Variants in CLEC6A observed in about 807,000 individuals in gnomAD.
CLEC6A encodes the protein C-type lectin domain family 6 member A.
Under a neutral mutation model 25.7 loss-of-function variants are expected in CLEC6A, and 22 were observed. The observed-to-expected ratio is 0.85, with a 90% CI of 0.61 to 1.22. The LOEUF is 1.22. Among genes scored for constraint, CLEC6A ranks in the 50% most tolerant of loss-of-function variants. CLEC6A has a pLI of 0.00. For synonymous variants in CLEC6A, 92 were observed against 76.7 expected (o/e 1.20, Z -1.04); for missense variants, 240 against 236.8 (o/e 1.01, Z -0.09).
At position 8,477,373 on chromosome 12, in the gene CLEC6A, T is replaced by C. The variant is rs1939989547; in HGVS notation, c.539T>C (p.Val180Ala). 1.2e-6 allele frequency: 2 copies of C among 1,612,484 alleles called. No individual in the cohort carries two copies. Among genetic ancestry groups the C allele is most frequent in the East Asian group, 2.2e-5 (1 of 44,850 alleles). The change falls in exon 6 of 6, where the codon GTC becomes GCC. Residue 180 changes from valine to alanine, a missense_variant. Val to Ala is a moderately conservative substitution (Grantham distance 64). Transcript: ENST00000382073. ...TCTGCAGAGCAATGTGCTTCAATAG[T>C]CTTCTGGAAACCTACAGGATGGGGC... The part of the protein sequence containing the change: ...NHSAEQCASI[V>A]FWKPTGWGWN...
At chr12:8,469,132 A>G (rs533783672) in intron 4 of CLEC6A, among the ~76,000 whole-genome samples, 64 of 152,286 alleles carry the variant, frequency 4.2e-4, no homozygotes, top group South Asian at 2.1e-3. Context: ...TAGCTCTGCT[A>G]TATACTATCA....
chr12:8,462,778 G>T (rs1046139298), intron 3 of CLEC6A, among the ~76,000 whole-genome samples: 3 of 151,934 alleles, frequency 2.0e-5, no homozygotes, highest in African/African-American at 7.3e-5. Flanking sequence ...GCTGAACGCT[G>T]GTTCCCTGGG....
chr12:8,461,145 G>C (rs1939748593), intron 3 of CLEC6A: 1 of 1,511,002 alleles, frequency 6.6e-7, no homozygotes, highest in Non-Finnish European at 9.1e-7. Context: ...GCCTTGGAAA[G>C]GGCCATAAGT....
In CLEC6A at chr12:8,465,433, C is replaced by G. The variant is rs1167288632; in HGVS notation, c.224-51C>G. ...CAAAGCAATTGCAGATCATTAATCT[C>G]ATTTATCTTATCTTGCACTCACTCT... On this transcript the variant is annotated intron_variant, in intron 3 of 5. Transcript: ENST00000382073. 3 of 1,581,532 alleles carry G rather than the reference C, an allele frequency of 1.9e-6. No homozygotes were observed. In the African/African-American group the frequency reaches 4.1e-5, roughly 21 times the overall value.
At chr12:8,459,860 A>G (rs1293003432) in intron 3 of CLEC6A, among the ~76,000 whole-genome samples, 162 bp downstream of exon 3, 1 of 152,192 alleles carries the variant, frequency 6.6e-6, no homozygotes, top group Non-Finnish European at 1.5e-5. Flanking sequence ...TGTTCATATC[A>G]GGCTCTAGAC....
intron 1 of CLEC6A, 122 bp downstream of exon 1, chr12:8,456,264 A>C: frequency 7.3e-5 from 64 of 876,628 alleles, no homozygotes; most frequent in Middle Eastern, 6.7e-4. Flanking sequence ...TAGTAGACTC[A>C]AAGGAATTTG....
chr12:8,461,722 C>T (rs189562754), intron 3 of CLEC6A, among the ~76,000 whole-genome samples: 102 of 152,234 alleles, frequency 6.7e-4, no homozygotes, highest in African/African-American at 2.0e-3. Flanking sequence ...TTTTGATTAA[C>T]GTTAAAAAAT....
At chr12:8,477,106 C>G (rs1353841159) in intron 5 of CLEC6A, among the ~76,000 whole-genome samples, 1 of 152,062 alleles carries the variant, frequency 6.6e-6, no homozygotes, top group East Asian at 1.9e-4. Flanking sequence ...AATAAACCAT[C>G]TCATAAAATT....
At chr12:8,472,246 C>G (rs995439405) in intron 4 of CLEC6A, among the ~76,000 whole-genome samples, 3 of 152,030 alleles carry the variant, frequency 2.0e-5, no homozygotes, top group African/African-American at 7.2e-5. Flanking sequence ...TTTTTAGGAG[C>G]TTGTATTCTC....
At chr12:8,469,916 A>G (rs780377272) in intron 4 of CLEC6A, among the ~76,000 whole-genome samples, 1 of 152,228 alleles carries the variant, frequency 6.6e-6, no homozygotes, top group Non-Finnish European at 1.5e-5. Context: ...AATGCAACCT[A>G]AACAAAGATA....
intron 4 of CLEC6A, among the ~76,000 whole-genome samples, chr12:8,471,066 T>G (rs1034782434): frequency 2.4e-4 from 37 of 152,242 alleles, no homozygotes; most frequent in African/African-American, 8.9e-4. Context: ...GTGGTTTTTG[T>G]TCTTAATTTT....
chr12:8,459,541 C>T, intron 2 of CLEC6A, 56 bp from the exon 3 acceptor site: 1 of 1,159,042 alleles, frequency 8.6e-7, no homozygotes, highest in Admixed American at 1.7e-5. Flanking sequence ...GATATAGAGC[C>T]TAAGGCTTTA....
intron 4 of CLEC6A, among the ~76,000 whole-genome samples, chr12:8,475,595 C>A (rs1451763996): frequency 6.6e-6 from 1 of 152,056 alleles, no homozygotes; most frequent in East Asian, 1.9e-4. Flanking sequence ...AAGCAGCAGG[C>A]AGGCAGGAAG....
chr12:8,474,973 T>C (rs889757702), intron 4 of CLEC6A, among the ~76,000 whole-genome samples: 10 of 152,122 alleles, frequency 6.6e-5, no homozygotes, highest in African/African-American at 2.4e-4. Flanking sequence ...CATGTTGGTT[T>C]GCTGCACCCA....
Position 8,465,562 on chromosome 12 carries a change from C to G in CLEC6A, c.302C>G (p.Ser101Cys), listed in dbSNP as rs1565482948. The G allele has an allele frequency of 4.3e-6, 7 of 1,613,904 alleles. No individual in the cohort carries two copies. Among genetic ancestry groups the G allele is most frequent in the Non-Finnish European group, 5.1e-6 (6 of 1,179,924 alleles). The change falls in exon 4 of 6, where the codon TCT (serine) becomes TGT (cysteine). Residue 101 changes from serine to cysteine, a missense_variant. Physicochemically the swap from Ser to Cys is moderately radical, Grantham distance 112 (BLOSUM62 -1). Coordinates refer to ENST00000382073, the MANE Select transcript of CLEC6A (RefSeq NM_001007033.2). ...YFISSEEKVWSKSEQNCVEMG... is the reference protein window; with the variant it reads ...YFISSEEKVWCKSEQNCVEMG... ...ATTTCCAGTGAAGAGAAGGTTTGGT[C>G]TAAGAGTGAGCAGAACTGTGTTGAG...
intron 3 of CLEC6A, among the ~76,000 whole-genome samples, chr12:8,464,159 G>T (rs371625636): frequency 6.6e-6 from 1 of 152,024 alleles, no homozygotes; most frequent in Admixed American, 6.5e-5. Context: ...ATAAAAGGAA[G>T]AATAAGATTT....
rs750615757 is a variant in CLEC6A, at chr12:8,459,637, G to C, written c.162G>C (p.Leu54=). 6.2e-7 allele frequency: 1 copy of C among 1,613,572 alleles called. No individual in the cohort carries two copies. Among genetic ancestry groups the C allele is most frequent in the Non-Finnish European group, 8.5e-7 (1 of 1,179,514 alleles). The change falls in exon 3 of 6, where the codon CTG becomes CTC. Residue 54 remains leucine, a synonymous_variant. Transcript: ENST00000382073. Reference sequence around the variant, plus strand: ...CATATGGTGAAACTGGCAAAAGGCTGTCTGAACTACACTCATATCATTCAA... The same window carrying C: ...CATATGGTGAAACTGGCAAAAGGCTCTCTGAACTACACTCATATCATTCAA... ...HFTYGETGKR[L]SELHSYHSSL...
At chr12:8,474,152 G>A (rs1255290680) in intron 4 of CLEC6A, among the ~76,000 whole-genome samples, 2 of 152,078 alleles carry the variant, frequency 1.3e-5, no homozygotes, top group Non-Finnish European at 2.9e-5. Context: ...TCCTGAGGCT[G>A]ATGTCCGGCA....
Position 8,462,658 on chromosome 12 carries a change from C to T in CLEC6A, c.224-2826C>T, listed in dbSNP as rs767279423. 9.1e-3 allele frequency among the ~76,000 whole-genome samples: 1,376 copies of T among 150,724 alleles called. 19 individuals are homozygous for T. The highest frequency in any genetic ancestry group is 0.032 in the African/African-American group (1,306 of 40,950). On this transcript the variant is annotated intron_variant, in intron 3 of 5. Coordinates refer to ENST00000382073, the MANE Select transcript of CLEC6A (RefSeq NM_001007033.2). ...TTTGTTCACGTGTTTATCTGCTGAC[C>T]TTCTCTCCACTATTATCTTATGACC...
Sources: gnomAD v4.1 joint callset for allele counts (sites outside exome capture counted in the v4.1 genomes callset) on GRCh38, gnomAD v4.1.1 for gene constraint, MANE v1.5 for transcripts, NCBI Gene and HGNC (gene_info 2026-07-23, HGNC 2026-07-21) for gene names.